COG5: variants seen among roughly 807,000 people sequenced by gnomAD.
COG5 encodes component of oligomeric golgi complex 5.
In COG5, 86 loss-of-function variants were observed where a neutral mutation model predicts 110.4. That is an observed-to-expected ratio of 0.78 (90% CI 0.65 to 0.93). The LOEUF is 0.93. Ranked by LOEUF, COG5 falls within the 40% of genes least tolerant of loss-of-function variation. The probability of loss-of-function intolerance (pLI) is 0.00; values close to 1 mark genes in which losing one functional copy is unlikely to be tolerated. For synonymous variants in COG5, 360 were observed against 334.6 expected, an observed-to-expected ratio of 1.08 and a Z score of -0.83; for missense variants, 1,077 against 987.0, an observed-to-expected ratio of 1.09 and a Z score of -1.22.
At chr7:107,512,125 A>G (rs1799563235) in intron 6 of COG5, among the ~76,000 whole-genome samples, 1 of 152,212 alleles carries the variant, frequency 6.6e-6, no homozygotes, top group Non-Finnish European at 1.5e-5. Flanking sequence ...TGCAGATGAC[A>G]TGATTGTATA....
At chr7:107,264,737 TAAGAA>T (rs1004387712) in intron 14 of COG5, among the ~76,000 whole-genome samples, 1 of 151,838 alleles carries the variant, frequency 6.6e-6, no homozygotes, top group Non-Finnish European at 1.5e-5. Context: ...AAATGGATCA[TAAGAA>T]AATAATAGAG....
chr7:107,481,732 T>C (rs1797361197), intron 6 of COG5, among the ~76,000 whole-genome samples: 1 of 152,188 alleles, frequency 6.6e-6, no homozygotes, highest in African/African-American at 2.4e-5. Flanking sequence ...TCTTTTCTTT[T>C]GCTGTTAAAT....
chr7:107,437,027 T>A (rs1794409829), intron 6 of COG5, among the ~76,000 whole-genome samples: 1 of 152,182 alleles, frequency 6.6e-6, no homozygotes, highest in Non-Finnish European at 1.5e-5. Context: ...AAGTCAAAAA[T>A]CAGAGATCTA....
rs763434588 is a variant in COG5, at chr7:107,248,518, GA to G, written c.1750-20del. ...GAATAGCCTAAAAAAAAAAAAGAAAGAAAAAAAAGAAGAGGCAAGATTAAAG... is the reference window on the plus strand; with the variant it reads ...GAATAGCCTAAAAAAAAAAAAGAAAGAAAAAAAGAAGAGGCAAGATTAAAG... On this transcript the variant is annotated intron_variant, in intron 16 of 21. Coordinates refer to ENST00000297135, the MANE Select transcript of COG5 (RefSeq NM_006348.5). The G allele has an allele frequency of 5.4e-6, 8 of 1,483,276 alleles. No individual in the cohort carries two copies. Among genetic ancestry groups the G allele is most frequent in the African/African-American group, 1.4e-5 (1 of 70,674 alleles). 91.9% of individuals were successfully genotyped at this position (1,483,276 alleles called of 1,614,324 possible).
intron 10 of COG5, among the ~76,000 whole-genome samples, chr7:107,346,363 T>C (rs1811597654): frequency 6.6e-6 from 1 of 152,114 alleles, no homozygotes; most frequent in South Asian, 2.1e-4. Flanking sequence ...GGGAAACAAC[T>C]GTGACTGGAA....
chr7:107,206,720 G>A lies in COG5; in HGVS notation c.2376-3090C>T, dbSNP rs533681709. 1.6e-3 allele frequency among the ~76,000 whole-genome samples: 235 copies of A among 149,848 alleles called. 2 individuals are homozygous for A. The highest frequency in any genetic ancestry group is 1.9e-3 in the Non-Finnish European group (125 of 66,744). On this transcript the variant is annotated intron_variant, in intron 21 of 21. Transcript: ENST00000297135. ...TTTAAAAGGATAAGACATCACGTAAGTTACACAACATGTAGAAGAGATCAG... is the reference window on the plus strand; with the variant it reads ...TTTAAAAGGATAAGACATCACGTAAATTACACAACATGTAGAAGAGATCAG...
intron 6 of COG5, among the ~76,000 whole-genome samples, chr7:107,513,733 T>C (rs1306507696): frequency 6.6e-6 from 1 of 151,960 alleles, no homozygotes; most frequent in Non-Finnish European, 1.5e-5. Context: ...AAATGAAGAG[T>C]TCATGTCCTT....
chr7:107,257,022 A>G (rs1584582086), intron 15 of COG5, among the ~76,000 whole-genome samples: 2 of 152,168 alleles, frequency 1.3e-5, no homozygotes, highest in African/African-American at 4.8e-5. Context: ...ATTAATAAAT[A>G]CTAAGAGCTA....
chr7:107,502,937 T>A (rs914851859), intron 6 of COG5, among the ~76,000 whole-genome samples: 2 of 56,252 alleles, frequency 3.6e-5, no homozygotes, highest in Non-Finnish European at 1.0e-4. Context: ...AGTTTACAAG[T>A]CTTATCTTCT....
intron 21 of COG5, 139 bp from the exon 22 acceptor site, chr7:107,203,769 C>T: frequency 1.5e-6 from 1 of 666,138 alleles, no homozygotes; most frequent in South Asian, 1.7e-5. Context: ...AAGTGACCAA[C>T]AGCCTTCACT....
chr7:107,455,071 C>A (rs1348275834), intron 6 of COG5, among the ~76,000 whole-genome samples: 1 of 152,010 alleles, frequency 6.6e-6, no homozygotes, highest in Non-Finnish European at 1.5e-5. Flanking sequence ...TTATTTTTTC[C>A]ATTTGCAATT....
intron 6 of COG5, among the ~76,000 whole-genome samples, chr7:107,490,465 G>A (rs1172148912): frequency 2.0e-5 from 3 of 152,136 alleles, no homozygotes; most frequent in African/African-American, 4.8e-5. Context: ...TGTAATGGGG[G>A]ATGGGGAATA....
Position 107,558,020 on chromosome 7 carries a change from G to C in COG5, c.190C>G (p.Leu64Val). 6.2e-7 allele frequency: 1 copy of C among 1,613,996 alleles called. No homozygotes were observed. Among genetic ancestry groups the C allele is most frequent in the Non-Finnish European group, 8.5e-7 (1 of 1,179,970 alleles). The change falls in exon 2 of 22, where the codon CTT becomes GTT. Residue 64 changes from leucine (L) to valine (V), a missense_variant. Coordinates refer to ENST00000297135, the MANE Select transcript of COG5 (RefSeq NM_006348.5). ...QAVIAEQLAK[L>V]AQGISQLDRE... is the part of the protein sequence containing the mutation. ...TCCAACTGACTGATTCCTTGGGCAA[G>C]TTTTGCTAGTTGTTCAGCAATTACA...
Position 107,465,336 on chromosome 7 carries a change from A to T in COG5, c.539-52704T>A, listed in dbSNP as rs570564233. 1.6e-4 allele frequency among the ~76,000 whole-genome samples: 24 copies of T among 152,336 alleles called. No individual in the cohort carries two copies. In the Middle Eastern group the frequency reaches 0.014, roughly 86 times the overall value. Reference sequence around the variant, plus strand: ...TAACAATAAACAATTGGATTTTTTTAAAAAATTAGGTGCTACTTCAACAGT... The same window carrying T: ...TAACAATAAACAATTGGATTTTTTTTAAAAATTAGGTGCTACTTCAACAGT... On this transcript the variant is annotated intron_variant, in intron 6 of 21. Coordinates refer to ENST00000297135, the MANE Select transcript of COG5 (RefSeq NM_006348.5).
At chr7:107,291,754 T>C (rs770625267) in intron 12 of COG5, among the ~76,000 whole-genome samples, 7 of 152,220 alleles carry the variant, frequency 4.6e-5, no homozygotes, top group Non-Finnish European at 8.8e-5. Context: ...TCTGAGGTCA[T>C]GTTTGATATC....
chr7:107,223,338 C>G (rs1014341421), intron 19 of COG5, among the ~76,000 whole-genome samples: 23 of 152,036 alleles, frequency 1.5e-4, no homozygotes, highest in African/African-American at 5.6e-4. Context: ...TTAGGGAGGC[C>G]TAGTTTGTGG....
chr7:107,275,908 G>GT (rs1365590836), intron 14 of COG5, among the ~76,000 whole-genome samples: 3 of 151,928 alleles, frequency 2.0e-5, no homozygotes, highest in Admixed American at 6.6e-5. Flanking sequence ...ACACATGTAT[G>GT]TTTTTTTCCA....
intron 19 of COG5, among the ~76,000 whole-genome samples, chr7:107,226,272 T>A (rs1280725229): frequency 6.6e-6 from 1 of 152,208 alleles, no homozygotes; most frequent in East Asian, 1.9e-4. Context: ...TTGAGAGTCT[T>A]TGGTGAGGAG....
chr7:107,370,567 C>A (rs906602757), intron 8 of COG5, among the ~76,000 whole-genome samples: 3 of 151,830 alleles, frequency 2.0e-5, no homozygotes, highest in African/African-American at 7.3e-5. Flanking sequence ...GGGCGGATCA[C>A]CTGAGGTCAG....
Sources: gnomAD v4.1 joint callset for allele counts (sites outside exome capture counted in the v4.1 genomes callset) on GRCh38, gnomAD v4.1.1 for gene constraint, MANE v1.5 for transcripts, NCBI Gene and HGNC (gene_info 2026-07-23, HGNC 2026-07-21) for gene names.